The following SNRNP70 variants were observed in gnomAD, a reference collection of about 807,000 sequenced individuals.
SNRNP70 encodes small nuclear ribonucleoprotein U1 subunit 70, also known as U1 small nuclear ribonucleoprotein 70 kDa.
Under a neutral mutation model 50.5 loss-of-function variants are expected in SNRNP70, and 8 were observed. The ratio of observed to expected loss-of-function variants is 0.16; its 90% confidence interval spans 0.09 to 0.29. The LOEUF is 0.29. Ranked by LOEUF, SNRNP70 falls within the 10% of genes least tolerant of loss-of-function variation. SNRNP70 has a pLI of 1.00. For synonymous variants in SNRNP70, 320 were observed against 252.9 expected, an observed-to-expected ratio of 1.27 and a Z score of -2.52; for missense variants, 529 against 663.5, an observed-to-expected ratio of 0.80 and a Z score of 2.23.
chr19:49,087,087 C>T (rs866113951), intron 2 of SNRNP70, among the ~76,000 whole-genome samples: 1 of 144,418 alleles, frequency 6.9e-6, no homozygotes, highest in African/African-American at 2.6e-5. Context: ...GGCTGAGGCA[C>T]GGGAATCACT....
Position 49,106,185 on chromosome 19 carries a change from T to A in SNRNP70, c.578-1440T>A, listed in dbSNP as rs970459745. Among the ~76,000 whole-genome samples the A allele has an allele frequency of 2.6e-5, 4 of 152,156 alleles. No homozygotes were observed. The East Asian group carries it at 7.7e-4, about 29-fold the overall frequency. On this transcript the variant is annotated intron_variant, in intron 8 of 9. Coordinates refer to ENST00000598441, the MANE Select transcript of SNRNP70 (RefSeq NM_003089.6). ...GGCATGTTCTTACCTTACTCTGGTCTCTCTGGGGTGGAGTGGGTTCTTATA... is the reference window on the plus strand; with the variant it reads ...GGCATGTTCTTACCTTACTCTGGTCACTCTGGGGTGGAGTGGGTTCTTATA...
chr19:49,096,034 A>G (rs1002674262), intron 4 of SNRNP70, among the ~76,000 whole-genome samples: 5 of 149,252 alleles, frequency 3.4e-5, no homozygotes, highest in South Asian at 4.2e-4. Context: ...GAAAATTACA[A>G]CGCTCAGGGA....
At chr19:49,105,347 C>T (rs2040652457) in intron 8 of SNRNP70, among the ~76,000 whole-genome samples, 2 of 152,068 alleles carry the variant, frequency 1.3e-5, no homozygotes, top group African/African-American at 2.4e-5. Context: ...ATAAAGGGCC[C>T]TGTTGATGTA....
chr19:49,099,738 TAA>T (rs71179087), intron 6 of SNRNP70, among the ~76,000 whole-genome samples: 2 of 138,672 alleles, frequency 1.4e-5, no homozygotes, highest in Non-Finnish European at 3.1e-5. Flanking sequence ...GACTCCATCT[TAA>T]AAAAAAAAAA....
intron 4 of SNRNP70, among the ~76,000 whole-genome samples, chr19:49,091,786 T>C (rs1398301903): frequency 5.3e-5 from 8 of 152,224 alleles, no homozygotes; most frequent in African/African-American, 1.9e-4. Context: ...GCTGTCTTGA[T>C]GTCCTGCCTC....
intron 6 of SNRNP70, among the ~76,000 whole-genome samples, chr19:49,100,463 C>T (rs1462741264): frequency 2.0e-5 from 3 of 152,168 alleles, no homozygotes; most frequent in Non-Finnish European, 2.9e-5. Flanking sequence ...GTGCCACGTT[C>T]TCTCAAGCCT....
At chr19:49,091,372 T>TAA (rs112471768) in intron 4 of SNRNP70, among the ~76,000 whole-genome samples, 271 of 144,284 alleles carry the variant, frequency 1.9e-3, no homozygotes, top group Middle Eastern at 0.01. Context: ...AAATCTGTCT[T>TAA]AAAAAAAAAA....
chr19:49,089,391 C>T (rs750680185), intron 2 of SNRNP70, among the ~76,000 whole-genome samples: 2 of 151,854 alleles, frequency 1.3e-5, no homozygotes, highest in Non-Finnish European at 2.9e-5. Flanking sequence ...GGCTTAGAAT[C>T]GCTTGAACCT....
chr19:49,108,578 TTAAAAA>T lies in SNRNP70; in HGVS notation c.*141_*146del, dbSNP rs2040718042. ...TCTCATTTGTTCTGGCCCCTTGGAT[TTAAAAA>T]TAAAATTAATTTCCTGTTGATAGTG... On this transcript the variant is annotated 3_prime_UTR_variant, in exon 10 of 10. Coordinates refer to ENST00000598441, the MANE Select transcript of SNRNP70 (RefSeq NM_003089.6). 1 of 1,185,030 alleles carries T rather than the reference TTAAAAA, an allele frequency of 8.4e-7. No homozygotes were observed. Among genetic ancestry groups the T allele is most frequent in the East Asian group, 2.7e-5 (1 of 37,154 alleles). The allele number at this position is 1,185,030 out of a possible 1,614,324, so 73.4% of individuals were successfully genotyped here.
At chr19:49,091,171 C>T (rs890177939) in intron 4 of SNRNP70, among the ~76,000 whole-genome samples, 1 of 152,002 alleles carries the variant, frequency 6.6e-6, no homozygotes. Flanking sequence ...GAGTTCGAGA[C>T]CAGCCTGGCC....
rs1004511447 is a variant in SNRNP70 at position 49,098,714 on chromosome 19, G to A, written c.393+10G>A. 6.0e-5 allele frequency: 97 copies of A among 1,611,516 alleles called. No individual in the cohort carries two copies. The highest frequency in any genetic ancestry group is 7.8e-5 in the Non-Finnish European group (92 of 1,177,742). ...CGGACCTATCAAAAGAGTAAGTGGA[G>A]TGGGTCAGGGTGTTTGAATTGGGGG... On this transcript the variant is annotated intron_variant, in intron 6 of 9. Coordinates refer to ENST00000598441, the MANE Select transcript of SNRNP70 (RefSeq NM_003089.6).
At position 49,108,505 on chromosome 19, in the gene SNRNP70, C is replaced by A; in HGVS notation, c.*62C>A. On this transcript the variant is annotated 3_prime_UTR_variant, in exon 10 of 10. Coordinates refer to ENST00000598441, the MANE Select transcript of SNRNP70 (RefSeq NM_003089.6). ...TTCCTGCCCAGCCCCTTGCTGTCAT[C>A]CCCTCCCCCAACCTTGGCCACTTGA... The A allele has an allele frequency of 6.5e-7, 1 of 1,535,120 alleles. No homozygotes were observed. Among genetic ancestry groups the A allele is most frequent in the South Asian group, 1.2e-5 (1 of 82,544 alleles).
chr19:49,099,125 C>T (rs2040548939), intron 6 of SNRNP70, among the ~76,000 whole-genome samples: 1 of 152,048 alleles, frequency 6.6e-6, no homozygotes, highest in South Asian at 2.1e-4. Context: ...TTTTACCAAT[C>T]TTCTTTTAAG....
In SNRNP70 at chr19:49,106,628, G is replaced by A. The variant is rs145042219; in HGVS notation, c.578-997G>A. Among the ~76,000 whole-genome samples the A allele has an allele frequency of 1.9e-3, 285 of 152,298 alleles. 1 individual carries two copies. Among genetic ancestry groups the A allele is most frequent in the Middle Eastern group, 0.014 (4 of 294 alleles). On this transcript the variant is annotated intron_variant, in intron 8 of 9. Transcript: ENST00000598441. ...TGCCTCACGGAAGCTTTTCCAGGCA[G>A]TGCGAGATAGAGGAGCGCTTGAGAA...
At position 49,106,600 on chromosome 19, in the gene SNRNP70, C is replaced by A. The variant is rs112065611; in HGVS notation, c.578-1025C>A. 5.7e-3 allele frequency among the ~76,000 whole-genome samples: 873 copies of A among 152,260 alleles called. 9 individuals are homozygous for A. The highest frequency in any genetic ancestry group is 0.02 in the African/African-American group (828 of 41,536). ...AGCCTCTTTTCTATACAGAACTCAG[C>A]CCTGCCTCACGGAAGCTTTTCCAGG... is the stretch of plus-strand genomic sequence containing the variant. On this transcript the variant is annotated intron_variant, in intron 8 of 9. Transcript: ENST00000598441.
intron 1 of SNRNP70, 37 bp from the exon 2 acceptor site, chr19:49,086,368 C>A (rs1341906185): frequency 1.3e-6 from 2 of 1,588,924 alleles, no homozygotes; most frequent in East Asian, 2.2e-5. Flanking sequence ...CTGTGCAGAC[C>A]CGATCTAACC....
chr19:49,091,396 C>T (rs567148830), intron 4 of SNRNP70, among the ~76,000 whole-genome samples: 1 of 152,078 alleles, frequency 6.6e-6, no homozygotes, highest in East Asian at 1.9e-4. Flanking sequence ...ATTATACCGT[C>T]TATTTACTGT....
chr19:49,102,492 C>T (rs911713483), intron 7 of SNRNP70: 26 of 251,168 alleles, frequency 1.0e-4, no homozygotes, highest in Admixed American at 5.5e-4. Flanking sequence ...GCAGGAACAC[C>T]GAGGGCAGGG....
At chr19:49,091,136 C>T (rs1007089625) in intron 4 of SNRNP70, among the ~76,000 whole-genome samples, 3 of 151,954 alleles carry the variant, frequency 2.0e-5, no homozygotes, top group East Asian at 1.9e-4. Flanking sequence ...TTTGGGAGGC[C>T]GAGGCAGGCG....
Sources: allele counts gnomAD v4.1 joint callset (sites outside exome capture counted in the v4.1 genomes callset), GRCh38; gene constraint gnomAD v4.1.1; transcripts MANE v1.5; gene names NCBI Gene and HGNC (gene_info 2026-07-23, HGNC 2026-07-21).